The following ING5 variants were observed in gnomAD, a reference collection of about 807,000 sequenced individuals.
ING5 encodes the protein inhibitor of growth family member 5, also known as inhibitor of growth protein 5.
ING5 carries 17 observed loss-of-function variants against 37.4 expected under a neutral mutation model. The ratio of observed to expected loss-of-function variants is 0.45; its 90% CI spans 0.31 to 0.68. The LOEUF is 0.68. Ranked by LOEUF, ING5 falls within the 30% of genes least tolerant of loss-of-function variation. The probability of loss-of-function intolerance (pLI) is 0.05; values close to 1 mark genes in which losing one functional copy is unlikely to be tolerated. For missense variants in ING5, 233 were observed against 311.9 expected (o/e 0.75, Z 1.91); for synonymous variants, 123 against 116.6 (o/e 1.06, Z -0.36).
chr2:241,693,484 C>T (rs1379896764), intron 2 of ING5, among the ~76,000 whole-genome samples: 2 of 151,704 alleles, frequency 1.3e-5, no homozygotes, highest in South Asian at 2.1e-4. Flanking sequence ...GCATCCCCTA[C>T]GCTCTCCGAC....
intron 2 of ING5, among the ~76,000 whole-genome samples, chr2:241,706,956 A>ATTTTT (rs35471600): frequency 8.3e-6 from 1 of 120,754 alleles, no homozygotes; most frequent in Non-Finnish European, 1.7e-5. Context: ...TGGTGTGGCA[A>ATTTTT]TTTTTTTTTT....
At chr2:241,706,551 C>A (rs1290820946) in intron 2 of ING5, among the ~76,000 whole-genome samples, 3 of 150,374 alleles carry the variant, frequency 2.0e-5, no homozygotes, top group Admixed American at 1.3e-4. Flanking sequence ...ATCACTTGAA[C>A]CTGGAGGCGG....
chr2:241,699,816 C>T (rs1324164347), upstream of ING5, among the ~76,000 whole-genome samples: 1 of 151,950 alleles, frequency 6.6e-6, no homozygotes, highest in Non-Finnish European at 1.5e-5. Flanking sequence ...ACACACCTCA[C>T]CCATGAAAGA....
chr2:241,704,759 G>A (rs1241225834), intron 2 of ING5, 35 bp downstream of exon 2: 1 of 1,560,078 alleles, frequency 6.4e-7, no homozygotes, highest in Non-Finnish European at 8.8e-7. Context: ...CCAGAACTGA[G>A]TTCTGACAGG....
At chr2:241,721,989 G>T (rs1047725046) in intron 5 of ING5, 16 of 985,272 alleles carry the variant, frequency 1.6e-5, no homozygotes, top group Non-Finnish European at 1.9e-5. Context: ...ATGGTGTGTG[G>T]TCGGAAGGGG....
intron 5 of ING5, among the ~76,000 whole-genome samples, chr2:241,714,721 C>G (rs892084482): frequency 1.3e-5 from 2 of 151,992 alleles, no homozygotes; most frequent in Non-Finnish European, 2.9e-5. Flanking sequence ...TCTCCCACCT[C>G]AGCTCCCGAG....
intron 1 of ING5, chr2:241,688,114 C>A (rs2069479170): frequency 6.6e-6 from 1 of 152,096 alleles, no homozygotes; most frequent in East Asian, 1.9e-4. Flanking sequence ...CTATATGTGC[C>A]ATATTGTCAG....
intron 5 of ING5, chr2:241,722,602 G>T (rs764294705): frequency 5.1e-6 from 5 of 985,146 alleles, no homozygotes; most frequent in Non-Finnish European, 6.0e-6. Flanking sequence ...TTCTTGCTGC[G>T]CCTTCTTAGA....
intron 5 of ING5, among the ~76,000 whole-genome samples, chr2:241,719,245 C>T (rs1374036292): frequency 6.6e-6 from 1 of 152,270 alleles, no homozygotes; most frequent in Non-Finnish European, 1.5e-5. Flanking sequence ...TCTGTGCAGC[C>T]TCTGGACTAT....
At chr2:241,697,768 T>C (rs1056030256), upstream of ING5, among the ~76,000 whole-genome samples, 1 of 152,150 alleles carries the variant, frequency 6.6e-6, no homozygotes, top group Non-Finnish European at 1.5e-5. Context: ...GCTGACATTA[T>C]ACATTTGTCA....
chr2:241,711,829 A>G (rs533410623), intron 4 of ING5, 149 bp from the exon 5 acceptor site: 53 of 689,802 alleles, frequency 7.7e-5, no homozygotes, highest in African/African-American at 6.9e-4. Context: ...TGAGCCCGGG[A>G]GGTCAAGGCT....
At chr2:241,698,991 G>A (rs1377702010), upstream of ING5, among the ~76,000 whole-genome samples, 1 of 150,142 alleles carries the variant, frequency 6.7e-6, no homozygotes, top group African/African-American at 2.5e-5. Context: ...GCCTCCCAAA[G>A]TGCTGGGATT....
intron 5 of ING5, among the ~76,000 whole-genome samples, chr2:241,713,587 AGTCTT>A (rs2070183668): frequency 6.9e-6 from 1 of 145,750 alleles, no homozygotes; most frequent in South Asian, 2.2e-4. Context: ...TAGTCAGGAT[AGTCTT>A]GATCTCCTGA....
chr2:241,697,638 G>A (rs1290669554), upstream of ING5, among the ~76,000 whole-genome samples: 2 of 150,952 alleles, frequency 1.3e-5, no homozygotes, highest in Non-Finnish European at 2.9e-5. Context: ...AAAGCAAACT[G>A]GAAACAGTAA....
At chr2:241,706,016 C>T (rs2069900090) in intron 2 of ING5, among the ~76,000 whole-genome samples, 1 of 151,068 alleles carries the variant, frequency 6.6e-6, no homozygotes, top group Non-Finnish European at 1.5e-5. Flanking sequence ...ACTCATGGCC[C>T]TGTTTGTTGG....
chr2:241,689,260 C>G (rs964063441), intron 1 of ING5, among the ~76,000 whole-genome samples: 4 of 151,990 alleles, frequency 2.6e-5, no homozygotes, highest in Non-Finnish European at 5.9e-5. Flanking sequence ...TTACAGGCAC[C>G]TGCCACCACG....
At chr2:241,719,952 CTCTT>C in intron 5 of ING5, 1 of 1,275,598 alleles carries the variant, frequency 7.8e-7, no homozygotes, top group South Asian at 3.1e-5. Flanking sequence ...GTGTGTGAAT[CTCTT>C]TCTTCTCTGT....
Position 241,713,710 on chromosome 2 carries a change from C to T in ING5, c.482+1639C>T, listed in dbSNP as rs991753922. On this transcript the variant is annotated intron_variant, in intron 5 of 7. Coordinates refer to ENST00000313552, the MANE Select transcript of ING5 (RefSeq NM_032329.6). ...TTTAGCTAGTGCTTAGCCTTTTGGC[C>T]GGGCGAGGTGGCTCATGCCTGTAAT... is the stretch of plus-strand genomic sequence containing the variant. Among the ~76,000 whole-genome samples, 91 of 148,720 alleles carry T rather than the reference C, an allele frequency of 6.1e-4. 1 individual carries two copies. The highest frequency in any genetic ancestry group is 2.2e-3 in the African/African-American group (88 of 40,662).
chr2:241,711,480 G>C lies in ING5; in HGVS notation c.380G>C (p.Gly127Ala), dbSNP rs754232441. 6.3e-7 allele frequency: 1 copy of C among 1,597,740 alleles called. No homozygotes were observed. Among genetic ancestry groups the C allele is most frequent in the South Asian group, 1.1e-5 (1 of 88,308 alleles). The stretch of plus-strand genomic sequence containing the variant: ...GATTTTGAAAGCTCCGGAGGGCGAG[G>C]GTTAAAAAGCAAGTCTGTTAATTTT... ...GSDFESSGGR[G>A]LKKGRGQKEK... Residue 127 changes from glycine to alanine, a missense_variant, in exon 4 of 8, where the codon GGG becomes GCG. By Grantham distance (60) the Gly-to-Ala change is moderately conservative. Coordinates refer to ENST00000313552, the MANE Select transcript of ING5 (RefSeq NM_032329.6).
Sources: allele counts gnomAD v4.1 joint callset (sites outside exome capture counted in the v4.1 genomes callset), GRCh38; gene constraint gnomAD v4.1.1; transcripts MANE v1.5; gene names NCBI Gene and HGNC (gene_info 2026-07-23, HGNC 2026-07-21).